WDFY4: variants seen among roughly 807,000 people sequenced by gnomAD.
WDFY4 encodes the protein WD repeat- and FYVE domain-containing protein 4.
WDFY4 carries 169 observed loss-of-function variants against 351.9 expected under a neutral mutation model. That is an observed-to-expected ratio of 0.48 (90% confidence interval 0.42 to 0.55). The LOEUF is 0.55. Ranked by LOEUF, WDFY4 falls within the 20% of genes least tolerant of loss-of-function variation. WDFY4 has a pLI of 0.00. For synonymous variants in WDFY4, 1,622 were observed against 1,574.6 expected (o/e 1.03, Z -0.71); for missense variants, 3,803 against 3,935.6 (o/e 0.97, Z 0.90).
chr10:48,981,784 A>G (rs1420823358), intron 61 of WDFY4, among the ~76,000 whole-genome samples: 1 of 152,258 alleles, frequency 6.6e-6, no homozygotes, highest in Non-Finnish European at 1.5e-5. Context: ...ATTTTATCCT[A>G]AAGAGAGCCT....
At position 48,873,619 on chromosome 10, in the gene WDFY4, G is replaced by T; in HGVS notation, c.6870G>T (p.Trp2290Cys). ...CCTGTTCCCCATGGGAACTCGACTG[G>T]AGAGAAGGACCAGCTCGAATGAGGA... The part of the protein sequence containing the change: ...TKPCSPWELD[W>C]REGPARMRKR... The change falls in exon 41 of 62, where the codon TGG becomes TGT. Residue 2290 changes from tryptophan to cysteine, a missense_variant. Transcript: ENST00000325239. The T allele has an allele frequency of 6.4e-7, 1 of 1,551,826 alleles. No homozygotes were observed. The highest frequency in any genetic ancestry group is 8.7e-7 in the Non-Finnish European group (1 of 1,147,006).
intron 12 of WDFY4, among the ~76,000 whole-genome samples, chr10:48,759,511 T>A (rs1220620785): frequency 3.3e-5 from 5 of 152,224 alleles, no homozygotes; most frequent in African/African-American, 1.2e-4. Flanking sequence ...GAGAGAAAGT[T>A]TCTCTTCACT....
chr10:48,945,392 G>A (rs1763902514), intron 49 of WDFY4, among the ~76,000 whole-genome samples: 1 of 152,014 alleles, frequency 6.6e-6, no homozygotes. Context: ...AAGAAAAGAA[G>A]GAGAGATACA....
At position 48,743,060 on chromosome 10, in the gene WDFY4, G is replaced by A; in HGVS notation, c.1971G>A (p.Leu657=). 6.4e-7 allele frequency: 1 copy of A among 1,551,658 alleles called. No individual in the cohort carries two copies. Among genetic ancestry groups the A allele is most frequent in the Non-Finnish European group, 8.7e-7 (1 of 1,147,004 alleles). Residue 657 remains leucine (L), a synonymous_variant, in exon 12 of 62, where the codon CTG becomes CTA. Coordinates refer to ENST00000325239, the MANE Select transcript of WDFY4 (RefSeq NM_001394531.1). ...FNGLLSLLSD[L]EGSLQEPPLQ... ...GGCTGCTGTCTCTGCTCTCTGACCT[G>A]GAAGGCTCCCTCCAGGAGCCCCCGC...
chr10:48,820,211 G>T, intron 32 of WDFY4, 23 bp from the exon 33 acceptor site: 3 of 1,551,456 alleles, frequency 1.9e-6, no homozygotes, highest in Non-Finnish European at 2.6e-6. Context: ...GGCCACTCAT[G>T]TTGGGGTTCT....
At chr10:48,748,321 T>C (rs1454907146) in intron 12 of WDFY4, among the ~76,000 whole-genome samples, 1 of 152,228 alleles carries the variant, frequency 6.6e-6, no homozygotes, top group Non-Finnish European at 1.5e-5. Context: ...TTTGGAATTT[T>C]ATCAATAAGG....
At chr10:48,750,655 C>G (rs1261356278) in intron 12 of WDFY4, among the ~76,000 whole-genome samples, 1 of 152,228 alleles carries the variant, frequency 6.6e-6, no homozygotes, top group Non-Finnish European at 1.5e-5. Flanking sequence ...TCCTTGGTTT[C>G]TTATTTCTTT....
At chr10:48,961,521 T>C (rs1841859817) in intron 53 of WDFY4, among the ~76,000 whole-genome samples, 1 of 152,086 alleles carries the variant, frequency 6.6e-6, no homozygotes, top group African/African-American at 2.4e-5. Flanking sequence ...AAGTGGATGT[T>C]TGAATGAGTG....
intron 45 of WDFY4, among the ~76,000 whole-genome samples, chr10:48,897,941 G>A (rs1837168850): frequency 6.6e-6 from 1 of 152,210 alleles, no homozygotes; most frequent in Non-Finnish European, 1.5e-5. Context: ...TGGGAGTAGA[G>A]TGCCTTCTGC....
chr10:48,949,412 G>C (rs1841209968), intron 51 of WDFY4, among the ~76,000 whole-genome samples: 1 of 152,186 alleles, frequency 6.6e-6, no homozygotes, highest in African/African-American at 2.4e-5. Context: ...GACACACCAG[G>C]CTCCTCTTTG....
At chr10:48,918,591 G>GA (rs1838763666) in intron 47 of WDFY4, among the ~76,000 whole-genome samples, 2 of 152,120 alleles carry the variant, frequency 1.3e-5, no homozygotes, top group Non-Finnish European at 2.9e-5. Context: ...ACATAAAATT[G>GA]AAAGGAAAAA....
rs2068988703 is a variant in WDFY4 at position 48,852,476 on chromosome 10, G to A, written c.6664-14789G>A. On this transcript the variant is annotated intron_variant, in intron 39 of 61. Coordinates refer to ENST00000325239, the MANE Select transcript of WDFY4 (RefSeq NM_001394531.1). ...AGTAATGTTGAGAGAACAGACCAAG[G>A]GATGATACATATTTGGGTTATCAAT... Among the ~76,000 whole-genome samples the A allele has an allele frequency of 2.0e-5, 3 of 152,118 alleles. No individual in the cohort carries two copies. The South Asian group carries it at 6.2e-4, about 32-fold the overall frequency.
At chr10:48,883,986 A>T (rs1402542190) in intron 43 of WDFY4, 1 of 152,152 alleles carries the variant, frequency 6.6e-6, no homozygotes, top group African/African-American at 2.4e-5. Flanking sequence ...TTTAATGCAT[A>T]TTAATTGTGG....
intron 11 of WDFY4, among the ~76,000 whole-genome samples, chr10:48,739,135 T>A (rs1236857770): frequency 1.3e-5 from 2 of 152,232 alleles, no homozygotes; most frequent in East Asian, 3.8e-4. Flanking sequence ...TGAGCTTAAT[T>A]GCATTACCTC....
chr10:48,724,797 C>G (rs1267004502), intron 5 of WDFY4, among the ~76,000 whole-genome samples: 1 of 152,032 alleles, frequency 6.6e-6, no homozygotes, highest in Non-Finnish European at 1.5e-5. Context: ...GGAAAACAAT[C>G]CAGGAATAAG....
intron 44 of WDFY4, among the ~76,000 whole-genome samples, chr10:48,893,840 T>C (rs144150422): frequency 1.8e-4 from 27 of 152,326 alleles, no homozygotes; most frequent in African/African-American, 6.5e-4. Flanking sequence ...AGTCAGAATA[T>C]TGACAGTTAT....
At chr10:48,956,828 G>C (rs1841613271) in intron 51 of WDFY4, among the ~76,000 whole-genome samples, 1 of 152,230 alleles carries the variant, frequency 6.6e-6, no homozygotes, top group Non-Finnish European at 1.5e-5. Flanking sequence ...GAAGTGCTCA[G>C]ATGTGGTTTT....
At position 48,770,200 on chromosome 10, in the gene WDFY4, T is replaced by C. The variant is rs190999050; in HGVS notation, c.2554-4258T>C. Among the ~76,000 whole-genome samples, 882 of 152,344 alleles carry C rather than the reference T, an allele frequency of 5.8e-3. 8 individuals are homozygous for C. The highest frequency in any genetic ancestry group is 0.02 in the African/African-American group (822 of 41,574). The stretch of plus-strand genomic sequence containing the variant: ...TTTTCTCTCCTCCATTACGGGGTAT[T>C]GAGCAATTTTGGAGTAAACTTGTGG... On this transcript the variant is annotated intron_variant, in intron 13 of 61. Transcript: ENST00000325239.
At chr10:48,697,967 CA>C (rs1399868400) in intron 1 of WDFY4, among the ~76,000 whole-genome samples, 2 of 152,202 alleles carry the variant, frequency 1.3e-5, no homozygotes, top group African/African-American at 4.8e-5. Flanking sequence ...CTTCCATCCC[CA>C]CGGGTGCGCC....
Sources: allele counts gnomAD v4.1 joint callset (sites outside exome capture counted in the v4.1 genomes callset), GRCh38; gene constraint gnomAD v4.1.1; transcripts MANE v1.5; gene names NCBI Gene and HGNC (gene_info 2026-07-23, HGNC 2026-07-21).